The following MICU3 variants were observed in gnomAD, a reference collection of about 807,000 sequenced individuals.
The protein encoded by MICU3 is calcium uptake protein 3, mitochondrial.
In MICU3, 62 loss-of-function variants were observed where a neutral mutation model predicts 66.5. That is an observed-to-expected ratio of 0.93 (90% CI 0.76 to 1.15). The LOEUF (loss-of-function observed/expected upper bound fraction) is 1.15, where lower values mean the gene tolerates loss of function less well. Ranked by LOEUF, MICU3 falls within the 50% of genes most tolerant of loss-of-function variation. MICU3 has a pLI of 0.00. For synonymous variants in MICU3, 308 were observed against 240.7 expected (o/e 1.28, Z -2.59); for missense variants, 779 against 664.4 (o/e 1.17, Z -1.90).
At chr8:17,082,618 C>G (rs1821368342) in intron 5 of MICU3, among the ~76,000 whole-genome samples, 1 of 151,948 alleles carries the variant, frequency 6.6e-6, no homozygotes, top group Non-Finnish European at 1.5e-5. Context: ...GGTACCCTTC[C>G]AAAAAGTAGT....
rs1326357576 is a variant in MICU3 at position 17,122,266 on chromosome 8, C to A, written c.*1979C>A. The A allele has an allele frequency of 6.6e-6, 1 of 151,710 alleles. No individual in the cohort carries two copies. Among genetic ancestry groups the A allele is most frequent in the East Asian group, 1.9e-4 (1 of 5,188 alleles). The allele number at this position is 151,710 out of a possible 1,614,324, so 9.4% of individuals were successfully genotyped here. A position where few individuals can be genotyped will look rare whatever the true frequency, so the allele number is the denominator to read the frequency against. On this transcript the variant is annotated 3_prime_UTR_variant, in exon 15 of 15. Transcript: ENST00000318063. ...GAAAGTAAATTACAGTGATTTCCAT[C>A]ATATTATCACTCTTGAATTTTATCA...
At chr8:17,038,919 C>T (rs1279903544) in intron 1 of MICU3, among the ~76,000 whole-genome samples, 2 of 150,282 alleles carry the variant, frequency 1.3e-5, no homozygotes, top group South Asian at 2.1e-4. Flanking sequence ...TGCCACTGCA[C>T]TCCAGCCTGG....
At chr8:17,031,559 T>C (rs1206142712) in intron 1 of MICU3, among the ~76,000 whole-genome samples, 2 of 152,010 alleles carry the variant, frequency 1.3e-5, no homozygotes, top group African/African-American at 4.8e-5. Context: ...GTGCTGGGAA[T>C]ACAGTCGTGA....
chr8:17,075,404 G>C (rs1346998064), intron 3 of MICU3, among the ~76,000 whole-genome samples: 1 of 152,130 alleles, frequency 6.6e-6, no homozygotes, highest in African/African-American at 2.4e-5. Flanking sequence ...CTGGTAAGCA[G>C]TTCCCCTCCT....
At chr8:17,060,406 C>T (rs1817644785) in intron 1 of MICU3, among the ~76,000 whole-genome samples, 1 of 151,638 alleles carries the variant, frequency 6.6e-6, no homozygotes, top group South Asian at 2.1e-4. Context: ...CGAGTGATTT[C>T]AAGTGATTCT....
intron 8 of MICU3, among the ~76,000 whole-genome samples, chr8:17,094,763 A>T (rs1800489610): frequency 6.6e-6 from 1 of 152,034 alleles, no homozygotes; most frequent in Non-Finnish European, 1.5e-5. Flanking sequence ...TTGCAACACA[A>T]ACCATCACAC....
intron 11 of MICU3, among the ~76,000 whole-genome samples, chr8:17,107,061 A>G (rs1482291981): frequency 3.3e-5 from 5 of 152,144 alleles, no homozygotes; most frequent in Admixed American, 3.3e-4. Context: ...ATATTTATTG[A>G]GCATCTACTA....
At chr8:17,107,313 A>G (rs1801821583) in intron 11 of MICU3, among the ~76,000 whole-genome samples, 1 of 152,172 alleles carries the variant, frequency 6.6e-6, no homozygotes. Context: ...AGAATGAGCT[A>G]TGCGAAGTTC....
downstream of MICU3, among the ~76,000 whole-genome samples, chr8:17,125,554 A>G (rs915663379): frequency 3.9e-5 from 6 of 152,160 alleles, no homozygotes; most frequent in African/African-American, 1.2e-4. Context: ...GGCATTTCAT[A>G]CGAGGAATCT....
chr8:17,089,925 G>A (rs1428270926), intron 7 of MICU3, among the ~76,000 whole-genome samples: 4 of 151,996 alleles, frequency 2.6e-5, no homozygotes, highest in Non-Finnish European at 5.9e-5. Flanking sequence ...ATATTTATAT[G>A]CCAAAATAAA....
At chr8:17,059,346 A>G (rs1817480074) in intron 1 of MICU3, among the ~76,000 whole-genome samples, 1 of 152,222 alleles carries the variant, frequency 6.6e-6, no homozygotes, top group Non-Finnish European at 1.5e-5. Context: ...GACCAGGTGA[A>G]TACCAATTCC....
chr8:17,027,633 C>G lies in MICU3; in HGVS notation c.354C>G (p.Pro118=). The G allele has an allele frequency of 5.3e-6, 7 of 1,308,452 alleles. No homozygotes were observed. The highest frequency in any genetic ancestry group is 6.8e-6 in the Non-Finnish European group (7 of 1,032,400). The allele number at this position is 1,308,452 out of a possible 1,614,324, so 81.1% of individuals were successfully genotyped here. The change falls in exon 1 of 15, where the codon CCC becomes CCG. Residue 118 remains proline, a synonymous_variant. Transcript: ENST00000318063. ...EDPPRGRGML[P]IPVAAAKETV... ...CGCCCCGCGGCCGGGGGATGCTGCC[C>G]ATCCCAGTGGCGGCTGCCAAGGAGA... is the stretch of plus-strand genomic sequence containing the variant.
At chr8:17,028,373 A>G (rs1220672918) in intron 1 of MICU3, among the ~76,000 whole-genome samples, 1 of 152,174 alleles carries the variant, frequency 6.6e-6, no homozygotes, top group African/African-American at 2.4e-5. Flanking sequence ...TCACGTGAAA[A>G]TGTTCAACTG....
At chr8:17,039,846 T>C (rs547601371) in intron 1 of MICU3, among the ~76,000 whole-genome samples, 38 of 151,610 alleles carry the variant, frequency 2.5e-4, no homozygotes, top group Middle Eastern at 6.8e-3. Context: ...TGTGTATATA[T>C]TGTTGAGTGA....
chr8:17,092,057 T>C (rs1025172989), intron 8 of MICU3, among the ~76,000 whole-genome samples: 20 of 152,076 alleles, frequency 1.3e-4, no homozygotes, highest in African/African-American at 4.8e-4. Context: ...TTTGTATTTT[T>C]AGTAGAGATT....
intron 1 of MICU3, among the ~76,000 whole-genome samples, chr8:17,052,747 C>T (rs527738262): frequency 4.6e-5 from 7 of 152,104 alleles, no homozygotes; most frequent in Non-Finnish European, 1.0e-4. Context: ...TTTAACCTTT[C>T]GACCACCCAG....
At chr8:17,135,177 G>A in the MICU3 span, among the ~76,000 whole-genome samples, 5 of 152,258 alleles carry the variant, frequency 3.3e-5, no homozygotes, top group African/African-American at 4.8e-5. Context: ...AGGGCAGGTG[G>A]ACCACAAGGT....
rs1445565896 is a variant in MICU3 at position 17,027,504 on chromosome 8, G to A, written c.225G>A (p.Gly75=). The A allele has an allele frequency of 1.6e-6, 2 of 1,282,734 alleles. No homozygotes were observed. The highest frequency in any genetic ancestry group is 2.0e-6 in the Non-Finnish European group (2 of 1,019,522). The allele number at this position is 1,282,734 out of a possible 1,614,324, so 79.5% of individuals were successfully genotyped here. ...GELSVAAAAG[G]GLVGLVCYQL... is the part of the protein sequence containing the mutation. ...TGAGCGTGGCGGCGGCGGCCGGCGG[G>A]GGGCTGGTCGGCCTGGTATGCTACC... Residue 75 remains glycine, a synonymous_variant, in exon 1 of 15, where the codon GGG becomes GGA. Coordinates refer to ENST00000318063, the MANE Select transcript of MICU3 (RefSeq NM_181723.3).
rs1037254997 is a variant in MICU3 at position 17,102,487 on chromosome 8, C to T, written c.985-1904C>T. ...ATTGTTGTTATGGTTAGGATTATTCCCATTTTATAGATAAGAAAGCTGAAG... is the reference window on the plus strand; with the variant it reads ...ATTGTTGTTATGGTTAGGATTATTCTCATTTTATAGATAAGAAAGCTGAAG... On this transcript the variant is annotated intron_variant, in intron 9 of 14. Coordinates refer to ENST00000318063, the MANE Select transcript of MICU3 (RefSeq NM_181723.3). The T allele has an allele frequency of 2.1e-5, 3 of 143,040 alleles. No individual in the cohort carries two copies. In the South Asian group the frequency reaches 6.7e-4, roughly 32 times the overall value. 8.9% of individuals were successfully genotyped at this position (143,040 alleles called of 1,614,324 possible).
Sources: gnomAD v4.1 joint callset for allele counts (sites outside exome capture counted in the v4.1 genomes callset) on GRCh38, gnomAD v4.1.1 for gene constraint, MANE v1.5 for transcripts, NCBI Gene and HGNC (gene_info 2026-07-23, HGNC 2026-07-21) for gene names.